Variants in MCF2L2 observed in about 807,000 individuals in gnomAD.
MCF2L2 encodes the protein probable guanine nucleotide exchange factor MCF2L2.
A neutral mutation model predicts 150.2 loss-of-function variants in MCF2L2; 102 were observed. That is an observed-to-expected ratio of 0.68 (90% CI 0.58 to 0.80). The LOEUF is 0.80. MCF2L2 is among the 30% of genes least tolerant of loss of function. MCF2L2 has a pLI of 0.00. For synonymous variants in MCF2L2, 465 were observed against 491.3 expected (o/e 0.95, Z 0.71); for missense variants, 1,256 against 1,372.8 (o/e 0.91, Z 1.34).
intron 12 of MCF2L2, 41 bp from the exon 13 acceptor site, chr3:183,295,518 G>C (rs1485634061): frequency 1.9e-6 from 3 of 1,591,426 alleles, no homozygotes; most frequent in Non-Finnish European, 2.6e-6. Context: ...AGGTCTCTCT[G>C]TATACAGCCT....
At chr3:183,189,609 G>A (rs1256166701) in intron 27 of MCF2L2, among the ~76,000 whole-genome samples, 1 of 149,798 alleles carries the variant, frequency 6.7e-6, no homozygotes, top group Non-Finnish European at 1.5e-5. Context: ...GGCAAAGAGA[G>A]CAGTTACCAT....
chr3:183,242,290 G>A (rs961732936), intron 15 of MCF2L2, among the ~76,000 whole-genome samples: 1 of 152,214 alleles, frequency 6.6e-6, no homozygotes, highest in African/African-American at 2.4e-5. Context: ...GTAAGATGGA[G>A]CCAAATGTTA....
At chr3:183,341,906 G>T (rs1213388378) in intron 3 of MCF2L2, among the ~76,000 whole-genome samples, 1 of 152,236 alleles carries the variant, frequency 6.6e-6, no homozygotes, top group East Asian at 1.9e-4. Flanking sequence ...AAATATGCAC[G>T]TGTCAGGTGA....
chr3:183,400,824 CG>C (rs1714713410), intron 1 of MCF2L2, among the ~76,000 whole-genome samples: 1 of 151,304 alleles, frequency 6.6e-6, no homozygotes, highest in Non-Finnish European at 1.5e-5. Flanking sequence ...TAAAATAAAA[CG>C]ATAGGGATAA....
intron 14 of MCF2L2, among the ~76,000 whole-genome samples, chr3:183,285,857 C>A (rs11916681): frequency 0.02 from 3,015 of 152,258 alleles, 59 homozygotes; most frequent in East Asian, 0.052. Context: ...AAATTGTCAG[C>A]CTCTGACTTA....
At chr3:183,185,179 A>T (rs1351249595) in intron 27 of MCF2L2, among the ~76,000 whole-genome samples, 1 of 152,228 alleles carries the variant, frequency 6.6e-6, no homozygotes, top group Admixed American at 6.5e-5. Context: ...TGGCCTTCCA[A>T]AGTGCTGGGA....
At chr3:183,282,469 C>T (rs1212526480) in intron 14 of MCF2L2, among the ~76,000 whole-genome samples, 1 of 152,168 alleles carries the variant, frequency 6.6e-6, no homozygotes, top group Non-Finnish European at 1.5e-5. Context: ...ACAGGAAAAA[C>T]ATCTTCTTAT....
rs16857419 is a variant in MCF2L2 at position 183,381,284 on chromosome 3, C to T, written c.161-1873G>A. On this transcript the variant is annotated intron_variant, in intron 2 of 29. Transcript: ENST00000328913. ...GTGATTAATGAGGATGTGTGGTCCA[C>T]GAAGAAACTATAGAAGAGGAGGACT... Among the ~76,000 whole-genome samples, 1,186 of 152,126 alleles carry T rather than the reference C, an allele frequency of 7.8e-3. 12 individuals carry two copies. Among genetic ancestry groups the T allele is most frequent in the African/African-American group, 0.026 (1,091 of 41,470 alleles).
At chr3:183,279,437 G>T (rs1727351946) in intron 14 of MCF2L2, among the ~76,000 whole-genome samples, 1 of 152,128 alleles carries the variant, frequency 6.6e-6, no homozygotes, top group South Asian at 2.1e-4. Context: ...CTTAGTGAGG[G>T]ATTCCTTATG....
chr3:183,179,506 G>A lies in MCF2L2; in HGVS notation c.3222-3C>T. On this transcript the variant is annotated splice_polypyrimidine_tract_variant and splice_region_variant and intron_variant, in intron 29 of 29. Transcript: ENST00000328913. The surrounding 1 kb of genome is among the most constrained non-coding windows in gnomAD (Gnocchi z 4.2). ...CCTCCTCGGTGCTGCGGGTCGCCCT[G>A]CAATTCCGAGAAGAAAGTCAGAGAC... 7 of 1,610,260 alleles carry A rather than the reference G, an allele frequency of 4.3e-6. No homozygotes were observed. The highest frequency in any genetic ancestry group is 5.9e-6 in the Non-Finnish European group (7 of 1,177,548).
At chr3:183,372,991 C>G (rs1222392886) in intron 3 of MCF2L2, 2 of 152,166 alleles carry the variant, frequency 1.3e-5, no homozygotes, top group Non-Finnish European at 2.9e-5. Context: ...GAGGGTGACC[C>G]AAGTTCAGCT....
In MCF2L2 at chr3:183,297,087, A is replaced by G. The variant is rs2108492395; in HGVS notation, c.1386T>C (p.Asp462=). 7.4e-6 allele frequency: 12 copies of G among 1,614,182 alleles called. No individual in the cohort carries two copies. Among genetic ancestry groups the G allele is most frequent in the Non-Finnish European group, 1.0e-5 (12 of 1,180,032 alleles). The part of the protein sequence containing the change: ...VDKCQSREGV[D]IALNDIATFL... The stretch of plus-strand genomic sequence containing the variant: ...ATGTCGCAATGTCGTTCAAGGCGAT[A>G]TCAACCCCTTCTCGAGACTGGCACT... The change falls in exon 12 of 30, where the codon GAT becomes GAC. Residue 462 remains aspartate (D), a synonymous_variant. Coordinates refer to ENST00000328913, the MANE Select transcript of MCF2L2 (RefSeq NM_015078.4).
intron 1 of MCF2L2, among the ~76,000 whole-genome samples, chr3:183,420,218 T>C (rs1399995647): frequency 1.3e-5 from 2 of 152,224 alleles, no homozygotes; most frequent in East Asian, 1.9e-4. Context: ...CCAGTTCCAA[T>C]GTCAATTCCA....
At chr3:183,423,172 C>T (rs1010323913) in intron 1 of MCF2L2, among the ~76,000 whole-genome samples, 4 of 152,148 alleles carry the variant, frequency 2.6e-5, no homozygotes. Context: ...GGGCACATTC[C>T]CACCTGATTA....
intron 27 of MCF2L2, among the ~76,000 whole-genome samples, chr3:183,184,640 C>CT (rs531096249): frequency 1.8e-4 from 28 of 152,278 alleles, no homozygotes; most frequent in African/African-American, 6.5e-4. Flanking sequence ...GAATTCTAAG[C>CT]TTTTTTATTT....
intron 15 of MCF2L2, among the ~76,000 whole-genome samples, chr3:183,241,167 TGAGTG>T (rs1189393970): frequency 5.9e-5 from 9 of 152,216 alleles, no homozygotes; most frequent in Non-Finnish European, 1.2e-4. Context: ...AACTCTGTGT[TGAGTG>T]AAGTTTAAGC....
At chr3:183,230,383 G>C (rs952094883) in intron 16 of MCF2L2, among the ~76,000 whole-genome samples, 3 of 152,104 alleles carry the variant, frequency 2.0e-5, no homozygotes, top group Admixed American at 6.5e-5. Flanking sequence ...CAAAATGCTG[G>C]GATTACAGGC....
At chr3:183,251,598 G>T (rs775653971) in intron 15 of MCF2L2, among the ~76,000 whole-genome samples, 3 of 152,060 alleles carry the variant, frequency 2.0e-5, no homozygotes, top group Non-Finnish European at 4.4e-5. Context: ...ATGCCAACAC[G>T]GTCCTCCTTC....
chr3:183,280,859 A>C (rs141354484), intron 14 of MCF2L2, among the ~76,000 whole-genome samples: 3,949 of 151,674 alleles, frequency 0.026, 189 homozygotes, highest in African/African-American at 0.087. Context: ...AAAAAAAAAA[A>C]AAACAAACAA....
Sources: allele counts gnomAD v4.1 joint callset (sites outside exome capture counted in the v4.1 genomes callset), GRCh38; gene constraint gnomAD v4.1.1; non-coding constraint Gnocchi (gnomAD v3.1); transcripts MANE v1.5; gene names NCBI Gene and HGNC (gene_info 2026-07-23, HGNC 2026-07-21).